Variants in DCC observed in about 807,000 individuals in gnomAD.
DCC encodes the protein DCC netrin 1 receptor, also known as netrin receptor DCC.
Under a neutral mutation model 172.5 loss-of-function variants are expected in DCC, and 58 were observed. The observed-to-expected ratio is 0.34, with a 90% CI of 0.27 to 0.42. DCC has a LOEUF of 0.42. DCC is among the 10% of genes least tolerant of loss of function. DCC has a pLI of 1.00. For missense variants in DCC, 1,740 were observed against 1,791.0 expected (o/e 0.97, Z 0.51); for synonymous variants, 709 against 644.5 (o/e 1.10, Z -1.52).
chr18:52,434,024 G>A (rs1598814968), intron 1 of DCC, among the ~76,000 whole-genome samples: 2 of 152,276 alleles, frequency 1.3e-5, no homozygotes, highest in East Asian at 1.9e-4. Context: ...CAAATGTGTG[G>A]TGTAAAGCCA....
intron 27 of DCC, among the ~76,000 whole-genome samples, chr18:53,513,790 C>T: frequency 6.7e-6 from 1 of 149,132 alleles, no homozygotes; most frequent in Non-Finnish European, 1.5e-5. Context: ...GCACCCAATA[C>T]AGGAGCACCA....
Position 52,799,797 on chromosome 18 carries a change from ATC to A in DCC, c.412+47425_412+47426del, listed in dbSNP as rs764793473. Among the ~76,000 whole-genome samples the A allele has an allele frequency of 2.5e-3, 384 of 152,296 alleles. 1 individual carries two copies. Among genetic ancestry groups the A allele is most frequent in the Middle Eastern group, 0.014 (4 of 294 alleles). ...AGCTTGATTTCTGATACTTTGTTTT[ATC>A]TGTTAATAACTAGCAATATAATAAT... On this transcript the variant is annotated intron_variant, in intron 2 of 28. Coordinates refer to ENST00000442544, the MANE Select transcript of DCC (RefSeq NM_005215.4).
intron 1 of DCC, among the ~76,000 whole-genome samples, chr18:52,513,064 C>T (rs2031498733): frequency 6.6e-6 from 1 of 152,090 alleles, no homozygotes; most frequent in African/African-American, 2.4e-5. Context: ...ACTGCTCTTG[C>T]TCCTCTGAGT....
At chr18:52,407,162 G>T (rs1007409633) in intron 1 of DCC, among the ~76,000 whole-genome samples, 2 of 152,016 alleles carry the variant, frequency 1.3e-5, no homozygotes, top group Admixed American at 6.6e-5. Context: ...TTTGCTCCAT[G>T]ATTGCTGTCA....
At chr18:53,186,002 G>A (rs1308036155) in intron 9 of DCC, among the ~76,000 whole-genome samples, 2 of 152,196 alleles carry the variant, frequency 1.3e-5, no homozygotes, top group Non-Finnish European at 2.9e-5. Flanking sequence ...AAGTTCAACT[G>A]AAAGTGAAGG....
In DCC at chr18:53,203,201, TTGTGTGTGTG is replaced by T. The variant is rs66474118; in HGVS notation, c.1574-1990_1574-1981del. Among the ~76,000 whole-genome samples the T allele has an allele frequency of 3.0e-3, 375 of 125,334 alleles. 3 individuals are homozygous for T. Among genetic ancestry groups the T allele is most frequent in the Non-Finnish European group, 1.6e-3 (86 of 53,646 alleles). 82.2% of individuals were successfully genotyped at this position (125,334 alleles called of 152,430 possible). On this transcript the variant is annotated intron_variant, in intron 9 of 28. Transcript: ENST00000442544. ...TTATTCTGATGATATATAGATTCTC[TTGTGTGTGTG>T]TGTGTGTGTGTGTGTGTGTGTGTGC...
Position 52,504,381 on chromosome 18 carries a change from G to A in DCC, c.91+163503G>A, listed in dbSNP as rs546675385. 4.6e-5 allele frequency among the ~76,000 whole-genome samples: 7 copies of A among 152,268 alleles called. No individual in the cohort carries two copies. In the South Asian group the frequency reaches 1.5e-3, roughly 32 times the overall value. On this transcript the variant is annotated intron_variant, in intron 1 of 28. Coordinates refer to ENST00000442544, the MANE Select transcript of DCC (RefSeq NM_005215.4). ...GGAACATACTGGTAACTAGTGACTGGCTAGTACTTCCTGTCCTTCTACCCC... is the reference window on the plus strand; with the variant it reads ...GGAACATACTGGTAACTAGTGACTGACTAGTACTTCCTGTCCTTCTACCCC...
intron 1 of DCC, among the ~76,000 whole-genome samples, chr18:52,406,907 A>G (rs2144392436): frequency 6.6e-6 from 1 of 152,132 alleles, no homozygotes; most frequent in Non-Finnish European, 1.5e-5. Context: ...GTCTGTATGT[A>G]TCTGTGTGGT....
chr18:53,256,110 T>C (rs2056508834), intron 12 of DCC, among the ~76,000 whole-genome samples: 1 of 152,196 alleles, frequency 6.6e-6, no homozygotes, highest in South Asian at 2.1e-4. Context: ...ATTCTGGATA[T>C]TAGCCCTTTG....
rs555594643 is a variant in DCC, at chr18:53,063,342, T to C, written c.1023T>C (p.Tyr341=). The C allele has an allele frequency of 1.9e-5, 31 of 1,613,534 alleles. No homozygotes were observed. In the South Asian group the frequency reaches 3.1e-4, roughly 16 times the overall value. Reference sequence around the variant, plus strand: ...TTTTAAATCATCCTTCCAACCTGTATGCCTATGAAAGCATGGATATTGAGT... The same window carrying C: ...TTTTAAATCATCCTTCCAACCTGTACGCCTATGAAAGCATGGATATTGAGT... The part of the protein sequence containing the change: ...PWFLNHPSNL[Y]AYESMDIEFE... The change falls in exon 6 of 29, where the codon TAT becomes TAC. Residue 341 remains tyrosine, a synonymous_variant. Transcript: ENST00000442544.
At chr18:52,922,103 G>A (rs952434729) in intron 3 of DCC, among the ~76,000 whole-genome samples, 1 of 152,072 alleles carries the variant, frequency 6.6e-6, no homozygotes, top group African/African-American at 2.4e-5. Context: ...ATTTTCAAAA[G>A]TTCTGAGACA....
intron 2 of DCC, among the ~76,000 whole-genome samples, chr18:52,758,580 A>G (rs1259755062): frequency 6.6e-6 from 1 of 152,130 alleles, no homozygotes; most frequent in African/African-American, 2.4e-5. Flanking sequence ...GTTATGAAAT[A>G]ATTAGTGAAA....
At chr18:52,606,563 C>T (rs2034135336) in intron 1 of DCC, among the ~76,000 whole-genome samples, 1 of 151,944 alleles carries the variant, frequency 6.6e-6, no homozygotes, top group Non-Finnish European at 1.5e-5. Flanking sequence ...TGATGAATGC[C>T]AAAATATTCT....
At chr18:53,281,964 A>G (rs920165817) in intron 12 of DCC, among the ~76,000 whole-genome samples, 11 of 152,260 alleles carry the variant, frequency 7.2e-5, no homozygotes, top group African/African-American at 2.6e-4. Context: ...AAGAAAAATA[A>G]CTTCAAAACT....
intron 9 of DCC, among the ~76,000 whole-genome samples, chr18:53,193,088 A>G (rs2055390625): frequency 6.6e-6 from 1 of 152,150 alleles, no homozygotes; most frequent in Admixed American, 6.6e-5. Context: ...GGACTATGGA[A>G]TATTCTACCA....
chr18:53,034,068 C>A (rs957039025), intron 5 of DCC, among the ~76,000 whole-genome samples: 3 of 151,956 alleles, frequency 2.0e-5, no homozygotes, highest in Non-Finnish European at 4.4e-5. Context: ...CCTCTTAGTT[C>A]TCACTTCTCT....
chr18:53,046,199 G>A (rs2042235453), intron 5 of DCC, among the ~76,000 whole-genome samples: 1 of 151,830 alleles, frequency 6.6e-6, no homozygotes, highest in Admixed American at 6.6e-5. Flanking sequence ...CATAGTAAGT[G>A]TTGATTTGAA....
chr18:52,558,405 T>C (rs918220922), intron 1 of DCC, among the ~76,000 whole-genome samples: 1 of 152,178 alleles, frequency 6.6e-6, no homozygotes, highest in African/African-American at 2.4e-5. Context: ...CTGTTTTCTA[T>C]ACATACATAT....
intron 12 of DCC, among the ~76,000 whole-genome samples, chr18:53,220,115 T>A (rs1367681941): frequency 6.6e-6 from 1 of 151,942 alleles, no homozygotes; most frequent in Non-Finnish European, 1.5e-5. Flanking sequence ...AGGGAGGAGA[T>A]GGGGAAAAGC....
Sources: allele counts gnomAD v4.1 joint callset (sites outside exome capture counted in the v4.1 genomes callset), GRCh38; gene constraint gnomAD v4.1.1; transcripts MANE v1.5; gene names NCBI Gene and HGNC (gene_info 2026-07-23, HGNC 2026-07-21).